The following IL5RA variants were observed in gnomAD, a reference collection of about 807,000 sequenced individuals.
IL5RA encodes interleukin-5 receptor subunit alpha.
In IL5RA, 49 loss-of-function variants were observed where a neutral mutation model predicts 50.0. The ratio of observed to expected loss-of-function variants is 0.98; its 90% confidence interval spans 0.78 to 1.24. IL5RA has a LOEUF of 1.24. IL5RA is among the 50% of genes most tolerant of loss of function. The pLI is 0.00. For synonymous variants in IL5RA, 202 were observed against 174.0 expected, an observed-to-expected ratio of 1.16 and a Z score of -1.26; for missense variants, 600 against 500.4, an observed-to-expected ratio of 1.20 and a Z score of -1.90.
chr3:3,092,122 T>A lies in IL5RA; in HGVS notation c.994+102A>T. 3 of 1,514,160 alleles carry A rather than the reference T, an allele frequency of 2.0e-6. No homozygotes were observed. Among genetic ancestry groups the A allele is most frequent in the Non-Finnish European group, 2.6e-6 (3 of 1,138,696 alleles). The allele number at this position is 1,514,160 out of a possible 1,614,324, so 93.8% of individuals were successfully genotyped here. ...GAGAAAATTAGTCACAATAGAGATA[T>A]GAAACCATTTTAAGACCCACGAGTG... On this transcript the variant is annotated intron_variant, in intron 9 of 11. Coordinates refer to ENST00000446632, the MANE Select transcript of IL5RA (RefSeq NM_175726.4). The surrounding 1 kb of genome is among the most constrained non-coding windows in gnomAD (Gnocchi z 4.2).
At chr3:3,089,624 C>G (rs1273362490) in intron 9 of IL5RA, among the ~76,000 whole-genome samples, 1 of 151,892 alleles carries the variant, frequency 6.6e-6, no homozygotes, top group African/African-American at 2.4e-5. Flanking sequence ...CCCATAATCA[C>G]AAAGGTTGGC....
At chr3:3,104,818 C>T (rs546649758) in intron 3 of IL5RA, 85 bp downstream of exon 3, 29 of 784,434 alleles carry the variant, frequency 3.7e-5, no homozygotes, top group South Asian at 2.7e-4. Flanking sequence ...ATGTTCTAAT[C>T]GACAGTTTAA....
In IL5RA at chr3:3,092,681, T is replaced by G. The variant is rs777570674; in HGVS notation, c.856-319A>C. On this transcript the variant is annotated intron_variant, in intron 8 of 11. Transcript: ENST00000446632. The surrounding 1 kb of genome is among the most constrained non-coding windows in gnomAD (Gnocchi z 4.2). Reference sequence around the variant, plus strand: ...GCCTATGCTAGAATGCATTATTCCCTCACCTTGTCTCTCCATAATCTATAG... The same window carrying G: ...GCCTATGCTAGAATGCATTATTCCCGCACCTTGTCTCTCCATAATCTATAG... Among the ~76,000 whole-genome samples, 1 of 152,220 alleles carries G rather than the reference T, an allele frequency of 6.6e-6. No individual in the cohort carries two copies. Among genetic ancestry groups the G allele is most frequent in the Non-Finnish European group, 1.5e-5 (1 of 68,048 alleles).
At position 3,098,261 on chromosome 3, in the gene IL5RA, T is replaced by A; in HGVS notation, c.397A>T (p.Thr133Ser). Residue 133 changes from threonine to serine, a missense_variant, in exon 6 of 12, where the codon ACT becomes TCT. Transcript: ENST00000446632. ...GSPGTSIVNLTCTTNTTEDNY... is the reference protein window; with the variant it reads ...GSPGTSIVNLSCTTNTTEDNY... ...TCTTCTGTAGTGTTTGTGGTGCAAGTTAAATTCACAATTGAGGTTCCAGGA... is the reference window on the plus strand; with the variant it reads ...TCTTCTGTAGTGTTTGTGGTGCAAGATAAATTCACAATTGAGGTTCCAGGA... 1 of 1,614,110 alleles carries A rather than the reference T, an allele frequency of 6.2e-7. No homozygotes were observed. The highest frequency in any genetic ancestry group is 8.5e-7 in the Non-Finnish European group (1 of 1,179,954).
chr3:3,090,062 AACAGAGTTAAGCCAATT>A, intron 9 of IL5RA: 1 of 696,810 alleles, frequency 1.4e-6, no homozygotes, highest in Non-Finnish European at 2.4e-6. Flanking sequence ...GGCCATGCAG[AACAGAGTTAAGCCAATT>A]ACCTAAACTT....
At chr3:3,099,861 G>C (rs1703559813) in intron 5 of IL5RA, among the ~76,000 whole-genome samples, 1 of 151,824 alleles carries the variant, frequency 6.6e-6, no homozygotes. Flanking sequence ...GTAGAGACGG[G>C]GTTTCACCAT....
At chr3:3,078,144 C>G (rs187551335) in intron 9 of IL5RA, among the ~76,000 whole-genome samples, 1 of 152,178 alleles carries the variant, frequency 6.6e-6, no homozygotes, top group Non-Finnish European at 1.5e-5. Flanking sequence ...TTCAACCACA[C>G]CGCACCAGGA....
intron 1 of IL5RA, among the ~76,000 whole-genome samples, chr3:3,109,728 A>G (rs908635260): frequency 2.0e-4 from 30 of 152,184 alleles, no homozygotes; most frequent in South Asian, 1.9e-3. Flanking sequence ...TAATAATAAT[A>G]GAATTATAAG....
At chr3:3,096,439 A>G (rs1703372435) in intron 7 of IL5RA, among the ~76,000 whole-genome samples, 1 of 152,144 alleles carries the variant, frequency 6.6e-6, no homozygotes, top group South Asian at 2.1e-4. Context: ...TGTCTTAGGT[A>G]ATATGACTTA....
In IL5RA at chr3:3,099,237, T is replaced by G. The variant is rs114756373; in HGVS notation, c.368-947A>C. Among the ~76,000 whole-genome samples the G allele has an allele frequency of 4.7e-3, 709 of 152,322 alleles. 4 individuals are homozygous for G. Among genetic ancestry groups the G allele is most frequent in the Middle Eastern group, 0.02 (6 of 294 alleles). On this transcript the variant is annotated intron_variant, in intron 5 of 11. Coordinates refer to ENST00000446632, the MANE Select transcript of IL5RA (RefSeq NM_175726.4). ...ATTGGCCAGGCACGGTGCTCATGCCTGTAATCCCAGTGCTCTGGGAGGCCA... is the reference window on the plus strand; with the variant it reads ...ATTGGCCAGGCACGGTGCTCATGCCGGTAATCCCAGTGCTCTGGGAGGCCA...
At chr3:3,105,623 T>TG (rs1559881314) in intron 2 of IL5RA, 1 of 104,422 alleles carries the variant, frequency 9.6e-6, no homozygotes, top group Admixed American at 1.0e-4. Context: ...ATTTGTTTTG[T>TG]TCCCCCCCCC....
chr3:3,090,929 G>A (rs2125970475), intron 9 of IL5RA, among the ~76,000 whole-genome samples: 1 of 152,246 alleles, frequency 6.6e-6, no homozygotes, highest in African/African-American at 2.4e-5. Context: ...CCTGGGTGTG[G>A]AATTGACATC....
intron 2 of IL5RA, among the ~76,000 whole-genome samples, chr3:3,106,071 T>C (rs911765663): frequency 1.3e-5 from 2 of 152,138 alleles, no homozygotes; most frequent in Non-Finnish European, 2.9e-5. Flanking sequence ...ACGTTATTCC[T>C]ACCCATGAAG....
chr3:3,092,465 C>G lies in IL5RA; in HGVS notation c.856-103G>C. On this transcript the variant is annotated intron_variant, in intron 8 of 11. Transcript: ENST00000446632. This position sits in a 1 kb window ranked among gnomAD's most constrained non-coding sequence, Gnocchi z 4.2. ...TATATAGGTCATGTGACTCACTGTT[C>G]AGCAAGTCCTTTAAAATCAACAGGG... 1 of 1,057,950 alleles carries G rather than the reference C, an allele frequency of 9.5e-7. No homozygotes were observed. Among genetic ancestry groups the G allele is most frequent in the Non-Finnish European group, 1.4e-6 (1 of 716,722 alleles). 65.5% of individuals were successfully genotyped at this position (1,057,950 alleles called of 1,614,324 possible).
rs577720232 is a variant in IL5RA, at chr3:3,099,149, AC to A, written c.368-860del. 1.6e-4 allele frequency among the ~76,000 whole-genome samples: 24 copies of A among 152,330 alleles called. 1 individual carries two copies. Among genetic ancestry groups the A allele is most frequent in the African/African-American group, 5.3e-4 (22 of 41,572 alleles). On this transcript the variant is annotated intron_variant, in intron 5 of 11. Coordinates refer to ENST00000446632, the MANE Select transcript of IL5RA (RefSeq NM_175726.4). ...CACTGCAAGATTGCAGACTTTGCAG[AC>A]TTGATGCACATTAGCATGTTAAAGT...
chr3:3,079,496 T>C (rs1702593124), intron 9 of IL5RA, among the ~76,000 whole-genome samples: 1 of 152,164 alleles, frequency 6.6e-6, no homozygotes, highest in East Asian at 1.9e-4. Context: ...CAGTGATTAG[T>C]GCCGGACAGG....
intron 5 of IL5RA, among the ~76,000 whole-genome samples, chr3:3,099,658 TTTA>T (rs10525244): frequency 0.056 from 8,019 of 144,238 alleles, 599 homozygotes; most frequent in South Asian, 0.31. Flanking sequence ...TTTTATTTTA[TTTA>T]TTATTATTAT....
rs574735364 is a variant in IL5RA, at chr3:3,079,489, T to C, written c.995-2862A>G. Among the ~76,000 whole-genome samples the C allele has an allele frequency of 2.0e-5, 3 of 152,284 alleles. No individual in the cohort carries two copies. In the East Asian group the frequency reaches 5.8e-4, roughly 29 times the overall value. On this transcript the variant is annotated intron_variant, in intron 9 of 11. Coordinates refer to ENST00000446632, the MANE Select transcript of IL5RA (RefSeq NM_175726.4). ...GTTCATGTCGTCACTGCGTACCCAG[T>C]GATTAGTGCCGGACAGGCAGGCTTT...
rs148216782 is a variant in IL5RA, at chr3:3,076,517, T to C, written c.1091+14A>G. The C allele has an allele frequency of 1.1e-3, 1,648 of 1,556,234 alleles. 14 individuals carry two copies. The African/African-American group carries it at 0.02, about 18-fold the overall frequency. On this transcript the variant is annotated intron_variant, in intron 10 of 11. Transcript: ENST00000446632. Reference sequence around the variant, plus strand: ...AAACCCCACTGCAAGCACGCAAATGTAAAGAACACTTACATTTTACAGATA... The same window carrying C: ...AAACCCCACTGCAAGCACGCAAATGCAAAGAACACTTACATTTTACAGATA...
Sources: allele counts gnomAD v4.1 joint callset (sites outside exome capture counted in the v4.1 genomes callset), GRCh38; gene constraint gnomAD v4.1.1; non-coding constraint Gnocchi (gnomAD v3.1); transcripts MANE v1.5; gene names NCBI Gene and HGNC (gene_info 2026-07-23, HGNC 2026-07-21).